AXIN1: variants seen among roughly 807,000 people sequenced by gnomAD.
AXIN1 encodes axin-1.
AXIN1 carries 30 observed loss-of-function variants against 76.4 expected under a neutral mutation model. That is an observed-to-expected ratio of 0.39 (90% CI 0.29 to 0.53). The LOEUF (loss-of-function observed/expected upper bound fraction) is 0.53, where lower values mean the gene tolerates loss of function less well. Ranked by LOEUF, AXIN1 falls within the 20% of genes least tolerant of loss-of-function variation. The probability of loss-of-function intolerance (pLI) is 0.66; values close to 1 mark genes in which losing one functional copy is unlikely to be tolerated. For synonymous variants in AXIN1, 545 were observed against 501.4 expected (o/e 1.09, Z -1.16); for missense variants, 1,140 against 1,198.8 (o/e 0.95, Z 0.72).
At chr16:310,110 C>A (rs751311645) in intron 3 of AXIN1, 41 bp from the exon 4 acceptor site, 1 of 1,557,390 alleles carries the variant, frequency 6.4e-7, no homozygotes, top group South Asian at 1.2e-5. Context: ...CAGAGAGGAG[C>A]AGGAGGGCCA....
intron 7 of AXIN1, among the ~76,000 whole-genome samples, chr16:296,204 G>A (rs1366356285): frequency 1.3e-5 from 2 of 152,274 alleles, no homozygotes; most frequent in African/African-American, 2.4e-5. Context: ...GGGACCCCAA[G>A]GCCTTGCGGG....
chr16:321,869 G>A (rs766812673), intron 2 of AXIN1, among the ~76,000 whole-genome samples: 10 of 152,210 alleles, frequency 6.6e-5, no homozygotes, highest in African/African-American at 1.2e-4. Context: ...CTTCGTTGAC[G>A]GGCACCCTGA....
At chr16:306,361 G>A (rs551436326) in intron 4 of AXIN1, among the ~76,000 whole-genome samples, 2 of 152,296 alleles carry the variant, frequency 1.3e-5, no homozygotes, top group South Asian at 4.1e-4. Flanking sequence ...ATCCTTCATA[G>A]CAAAACATGT....
At chr16:347,662 C>T (rs1217004966) in intron 1 of AXIN1, among the ~76,000 whole-genome samples, 2 of 152,228 alleles carry the variant, frequency 1.3e-5, no homozygotes, top group South Asian at 2.1e-4. Flanking sequence ...CTACCTGCTG[C>T]ATCACGTCAC....
intron 2 of AXIN1, among the ~76,000 whole-genome samples, chr16:329,796 T>A (rs2141652790): frequency 6.6e-6 from 1 of 151,756 alleles, no homozygotes; most frequent in Admixed American, 6.6e-5. Context: ...GCTATTTTTT[T>A]TTTTTTTTTG....
At chr16:318,191 A>G (rs1474083811) in intron 2 of AXIN1, among the ~76,000 whole-genome samples, 1 of 152,246 alleles carries the variant, frequency 6.6e-6, no homozygotes, top group African/African-American at 2.4e-5. Flanking sequence ...TTCTGTGTTC[A>G]TGTGTCCAAT....
intron 2 of AXIN1, among the ~76,000 whole-genome samples, chr16:315,982 G>A (rs1410401852): frequency 1.3e-5 from 2 of 152,110 alleles, no homozygotes; most frequent in East Asian, 3.8e-4. Flanking sequence ...GAACCCGGGA[G>A]GCAGAGATTG....
intron 3 of AXIN1, 45 bp from the exon 4 acceptor site, chr16:310,114 A>G (rs2141574802): frequency 6.4e-7 from 1 of 1,554,110 alleles, no homozygotes; most frequent in Non-Finnish European, 8.7e-7. Flanking sequence ...GAGGAGCAGG[A>G]GGGCCAGCAC....
intron 2 of AXIN1, among the ~76,000 whole-genome samples, chr16:340,729 A>G (rs76672642): frequency 0.054 from 8,263 of 152,340 alleles, 599 homozygotes; most frequent in African/African-American, 0.16. Context: ...GAGGAACCCC[A>G]TGAAACCTTG....
At chr16:337,318 G>GA in intron 2 of AXIN1, among the ~76,000 whole-genome samples, 1 of 151,580 alleles carries the variant, frequency 6.6e-6, no homozygotes, top group African/African-American at 2.4e-5. Context: ...GAAAAACAAA[G>GA]AAAAAAATTA....
At chr16:290,199 A>G in intron 9 of AXIN1, 1 of 158,466 alleles carries the variant, frequency 6.3e-6, no homozygotes, top group Admixed American at 6.1e-5. Context: ...CGCACCCCCC[A>G]CTCGGCTACC....
intron 9 of AXIN1, 164 bp from the exon 10 acceptor site, chr16:289,771 C>G: frequency 1.2e-6 from 1 of 841,300 alleles, no homozygotes; most frequent in Non-Finnish European, 1.9e-6. Flanking sequence ...GCATCTCAAT[C>G]TGGGATCTAG....
intron 2 of AXIN1, among the ~76,000 whole-genome samples, chr16:323,704 C>T (rs373541211): frequency 6.6e-6 from 1 of 151,672 alleles, no homozygotes; most frequent in Non-Finnish European, 1.5e-5. Flanking sequence ...TTATGTGAAC[C>T]CGGGAGGCGG....
chr16:349,053 G>A (rs1470407912), intron 1 of AXIN1, among the ~76,000 whole-genome samples: 3 of 151,398 alleles, frequency 2.0e-5, no homozygotes, highest in South Asian at 2.1e-4. Context: ...AGCCGACACC[G>A]CGCCGGCCAC....
At chr16:300,520 A>G (rs997487882) in intron 5 of AXIN1, among the ~76,000 whole-genome samples, 1 of 152,152 alleles carries the variant, frequency 6.6e-6, no homozygotes, top group African/African-American at 2.4e-5. Flanking sequence ...TTTTAATATA[A>G]ACAAACCTCC....
chr16:293,386 G>T lies in AXIN1; in HGVS notation c.2186+102C>A. On this transcript the variant is annotated intron_variant, in intron 8 of 10. Transcript: ENST00000262320. This position sits in a 1 kb window ranked among gnomAD's most constrained non-coding sequence, Gnocchi z 4.6. ...AGTATGGCTGGGGGACACCCAGAGG[G>T]CCGTTTTTCCCCTGAAGACCTCAGG... 2 of 1,182,756 alleles carry T rather than the reference G, an allele frequency of 1.7e-6. No homozygotes were observed. The highest frequency in any genetic ancestry group is 2.6e-5 in the South Asian group (2 of 76,166). 73.3% of individuals were successfully genotyped at this position (1,182,756 alleles called of 1,614,324 possible).
At chr16:330,527 G>A (rs76135389) in intron 2 of AXIN1, among the ~76,000 whole-genome samples, 4,346 of 152,220 alleles carry the variant, frequency 0.029, 198 homozygotes, top group African/African-American at 0.098. Context: ...TGAAACTGAC[G>A]ACCTCTTTCC....
chr16:304,294 G>A lies in AXIN1; in HGVS notation c.1254+10C>T, dbSNP rs752072472. On this transcript the variant is annotated intron_variant, in intron 5 of 10. Transcript: ENST00000262320. Reference sequence around the variant, plus strand: ...CGACGCGGAGCGCGACACCGACGCGGCCCACTCACCATGCGCACGCGCTTC... The same window carrying A: ...CGACGCGGAGCGCGACACCGACGCGACCCACTCACCATGCGCACGCGCTTC... The A allele has an allele frequency of 1.2e-6, 2 of 1,610,894 alleles. No homozygotes were observed. Among genetic ancestry groups the A allele is most frequent in the Non-Finnish European group, 1.7e-6 (2 of 1,179,712 alleles).
At chr16:329,378 C>G (rs543459341) in intron 2 of AXIN1, among the ~76,000 whole-genome samples, 1 of 151,390 alleles carries the variant, frequency 6.6e-6, no homozygotes. Flanking sequence ...AAATCTAGAG[C>G]GATCTAGATA....
Sources: gnomAD v4.1 joint callset for allele counts (sites outside exome capture counted in the v4.1 genomes callset) on GRCh38, gnomAD v4.1.1 for gene constraint, Gnocchi (gnomAD v3.1) non-coding constraint, MANE v1.5 for transcripts, NCBI Gene and HGNC (gene_info 2026-07-23, HGNC 2026-07-21) for gene names.